TRIO: variants seen among roughly 807,000 people sequenced by gnomAD.
TRIO encodes trio Rho guanine nucleotide exchange factor, also known as triple functional domain protein.
TRIO carries 58 observed loss-of-function variants against 351.9 expected under a neutral mutation model. The observed-to-expected ratio is 0.16, with a 90% CI of 0.13 to 0.21. TRIO has a LOEUF of 0.21. Ranked by LOEUF, TRIO falls within the 10% of genes least tolerant of loss-of-function variation. The pLI, the probability that TRIO is intolerant of heterozygous loss-of-function variation, is 1.00. For missense variants in TRIO, 3,201 were observed against 4,027.8 expected (o/e 0.79, Z 5.56); for synonymous variants, 1,758 against 1,595.7 (o/e 1.10, Z -2.42).
chr5:14,374,702 C>A (rs1382777495), intron 19 of TRIO, among the ~76,000 whole-genome samples: 1 of 151,946 alleles, frequency 6.6e-6, no homozygotes, highest in African/African-American at 2.4e-5. Context: ...TTTTTAAAAG[C>A]TCAAATAGAG....
chr5:14,391,181 A>T, intron 27 of TRIO, among the ~76,000 whole-genome samples, 191 bp downstream of exon 27: 1 of 152,188 alleles, frequency 6.6e-6, no homozygotes, highest in Non-Finnish European at 1.5e-5. Flanking sequence ...GATCCTACAC[A>T]AATACTGGAA....
intron 3 of TRIO, among the ~76,000 whole-genome samples, chr5:14,285,041 G>A (rs1004556374): frequency 3.3e-5 from 5 of 152,120 alleles, no homozygotes; most frequent in Non-Finnish European, 7.4e-5. Context: ...TAATTTCCAT[G>A]ACAGGAGACT....
intron 34 of TRIO, among the ~76,000 whole-genome samples, chr5:14,438,709 C>T (rs1005601842): frequency 1.3e-5 from 2 of 152,234 alleles, no homozygotes; most frequent in Non-Finnish European, 2.9e-5. Flanking sequence ...GAAATTTTGC[C>T]AGTGATTTGG....
Position 14,419,783 on chromosome 5 carries a change from T to C in TRIO, c.4965T>C (p.Ser1655=). The C allele has an allele frequency of 1.2e-6, 2 of 1,614,200 alleles. No individual in the cohort carries two copies. Among genetic ancestry groups the C allele is most frequent in the South Asian group, 1.1e-5 (1 of 91,082 alleles). The change falls in exon 34 of 57, where the codon TCT becomes TCC. Residue 1655 remains serine, a synonymous_variant. Coordinates refer to ENST00000344204, the MANE Select transcript of TRIO (RefSeq NM_007118.4). ...SQNTLDSDKL[S]GGCELTVVIH... ...TCTTCCTCTGTTCCCCCCAGCTCTC[T>C]GGTGGCTGTGAGCTGACAGTGGTGA...
intron 1 of TRIO, among the ~76,000 whole-genome samples, chr5:14,146,389 C>T (rs966723210): frequency 3.9e-5 from 6 of 152,214 alleles, no homozygotes; most frequent in African/African-American, 1.4e-4. Context: ...CAAAGGCTTT[C>T]CATTGCTTGC....
intron 1 of TRIO, among the ~76,000 whole-genome samples, chr5:14,196,056 GA>G (rs2152161371): frequency 6.6e-6 from 1 of 152,106 alleles, no homozygotes; most frequent in African/African-American, 2.4e-5. Context: ...TGTTTTTCTG[GA>G]AAAAAATCAG....
chr5:14,471,490 T>C (rs1489853050), intron 38 of TRIO, 24 bp downstream of exon 38: 1 of 1,613,130 alleles, frequency 6.2e-7, no homozygotes, highest in Non-Finnish European at 8.5e-7. Context: ...GTTTTCATTC[T>C]TATTGTTCTC....
intron 7 of TRIO, among the ~76,000 whole-genome samples, chr5:14,297,862 T>C (rs907810624): frequency 1.3e-5 from 2 of 152,196 alleles, no homozygotes; most frequent in Non-Finnish European, 2.9e-5. Context: ...CACCAGCTCC[T>C]CCTCAGCCAC....
At chr5:14,452,278 CTT>C (rs1752899212) in intron 34 of TRIO, among the ~76,000 whole-genome samples, 2 of 152,364 alleles carry the variant, frequency 1.3e-5, no homozygotes, top group South Asian at 4.1e-4. Context: ...ATCCTGCTTT[CTT>C]CCTCAGCCTT....
At chr5:14,268,439 T>G (rs929923999) in intron 1 of TRIO, among the ~76,000 whole-genome samples, 6 of 152,190 alleles carry the variant, frequency 3.9e-5, no homozygotes, top group Admixed American at 2.0e-4. Flanking sequence ...TTCTTCTTGG[T>G]GATGGCTGTG....
At chr5:14,466,700 T>G (rs531362444) in intron 37 of TRIO, among the ~76,000 whole-genome samples, 47 of 152,322 alleles carry the variant, frequency 3.1e-4, no homozygotes, top group African/African-American at 1.1e-3. Context: ...AGGTAACCAC[T>G]GCGAATAGTT....
intron 10 of TRIO, among the ~76,000 whole-genome samples, chr5:14,334,619 A>T (rs1293718930): frequency 1.2e-4 from 18 of 152,196 alleles, no homozygotes; most frequent in Non-Finnish European, 4.4e-5. Context: ...AGCTCTTTAG[A>T]AATGTGCGTC....
intron 1 of TRIO, among the ~76,000 whole-genome samples, chr5:14,169,743 T>G (rs1451350084): frequency 3.3e-5 from 5 of 152,242 alleles, no homozygotes; most frequent in Non-Finnish European, 7.3e-5. Context: ...GATCACCCAC[T>G]GATGGATTCA....
intron 1 of TRIO, among the ~76,000 whole-genome samples, chr5:14,193,587 A>C (rs1295491739): frequency 1.3e-5 from 2 of 152,222 alleles, no homozygotes; most frequent in African/African-American, 4.8e-5. Context: ...GGTCAAAAAC[A>C]AGGGGTAAGT....
chr5:14,191,374 T>G (rs558476355), intron 1 of TRIO, among the ~76,000 whole-genome samples: 1 of 152,054 alleles, frequency 6.6e-6, no homozygotes, highest in Non-Finnish European at 1.5e-5. Flanking sequence ...GGAGGATTGC[T>G]TGGGGTCAGG....
intron 34 of TRIO, among the ~76,000 whole-genome samples, chr5:14,444,950 A>G (rs1175417738): frequency 6.6e-6 from 1 of 152,192 alleles, no homozygotes. Flanking sequence ...GGCTTTTCCT[A>G]GTTTTGGAAT....
chr5:14,237,410 T>C (rs1793844323), intron 1 of TRIO, among the ~76,000 whole-genome samples: 1 of 152,182 alleles, frequency 6.6e-6, no homozygotes, highest in Admixed American at 6.5e-5. Flanking sequence ...ACAGTGATAT[T>C]GTGGGGCTGT....
At chr5:14,160,183 T>C (rs897659294) in intron 1 of TRIO, among the ~76,000 whole-genome samples, 6 of 152,236 alleles carry the variant, frequency 3.9e-5, no homozygotes, top group African/African-American at 1.2e-4. Flanking sequence ...TCGCCAGTTA[T>C]ATACATTAAG....
chr5:14,167,126 A>G (rs1268974896), intron 1 of TRIO, among the ~76,000 whole-genome samples: 1 of 151,322 alleles, frequency 6.6e-6, no homozygotes, highest in Non-Finnish European at 1.5e-5. Flanking sequence ...AGCATCCATT[A>G]TCAGGTTTCC....
Sources: gnomAD v4.1 joint callset for allele counts (sites outside exome capture counted in the v4.1 genomes callset) on GRCh38, gnomAD v4.1.1 for gene constraint, MANE v1.5 for transcripts, NCBI Gene and HGNC (gene_info 2026-07-23, HGNC 2026-07-21) for gene names.